Variants in EIF4G1 observed in about 807,000 individuals in gnomAD.
EIF4G1 encodes the protein EIF4-gamma.
In EIF4G1, 4 loss-of-function variants were observed where a neutral mutation model predicts 187.8. That is an observed-to-expected ratio of 0.02 (90% CI 0.01 to 0.05). The LOEUF (loss-of-function observed/expected upper bound fraction) is 0.05, where lower values mean the gene tolerates loss of function less well. EIF4G1 is among the 10% of genes least tolerant of loss of function. EIF4G1 has a pLI of 1.00. For synonymous variants in EIF4G1, 844 were observed against 781.4 expected, an observed-to-expected ratio of 1.08 and a Z score of -1.34; for missense variants, 1,647 against 2,081.1, an observed-to-expected ratio of 0.79 and a Z score of 4.06.
chr3:184,321,807 C>T lies in EIF4G1; in HGVS notation c.1223C>T (p.Pro408Leu). 3 of 1,613,968 alleles carry T rather than the reference C, an allele frequency of 1.9e-6. No individual in the cohort carries two copies. Among genetic ancestry groups the T allele is most frequent in the Non-Finnish European group, 2.5e-6 (3 of 1,179,856 alleles). The change falls in exon 10 of 33, where the codon CCC (proline) becomes CTC (leucine). Residue 408 changes from proline to leucine, a missense_variant. Physicochemically the swap from Pro to Leu is moderately conservative, Grantham distance 98. Transcript: ENST00000346169. ...AQPEELLNGA[P>L]SPPAVDLSPV... The stretch of plus-strand genomic sequence containing the variant: ...CCTGAGGAACTGCTCAACGGAGCCC[C>T]CTCGCCACCAGCTGTGGACTTAAGC...
Position 184,322,186 on chromosome 3 carries a change from A to G in EIF4G1, c.1519+83A>G, listed in dbSNP as rs997719595. On this transcript the variant is annotated intron_variant, in intron 10 of 32. Transcript: ENST00000346169. ...TCCTTGATGACCGCCCATTTTTGAC[A>G]TGTTTCTGGGTCCCTGCAATGGAAT... is the stretch of plus-strand genomic sequence containing the variant. 2.5e-5 allele frequency: 40 copies of G among 1,601,610 alleles called. No homozygotes were observed. In the African/African-American group the frequency reaches 2.9e-4, roughly 12 times the overall value.
intron 6 of EIF4G1, 45 bp downstream of exon 6, chr3:184,317,861 C>A: frequency 7.4e-7 from 1 of 1,350,816 alleles, no homozygotes. Flanking sequence ...CCCAAGGGAG[C>A]ATCTAAACTC....
At chr3:184,329,242 T>C (rs781293438) in intron 28 of EIF4G1, 2 of 527,840 alleles carry the variant, frequency 3.8e-6, no homozygotes, top group Non-Finnish European at 6.9e-6. Context: ...TATTTATTCA[T>C]TCATTGAACT....
chr3:184,319,537 C>G, intron 6 of EIF4G1, 152 bp from the exon 7 acceptor site: 1 of 646,646 alleles, frequency 1.5e-6, no homozygotes, highest in South Asian at 1.6e-5. Flanking sequence ...TGACAGACAC[C>G]TAATTCCCTG....
chr3:184,322,711 G>A lies in EIF4G1; in HGVS notation c.1776G>A (p.Gln592=). The change falls in exon 12 of 33, where the codon CAG becomes CAA. Residue 592 remains glutamine, a synonymous_variant. Coordinates refer to ENST00000346169, the MANE Select transcript of EIF4G1 (RefSeq NM_198241.3). Reference sequence around the variant, plus strand: ...CTGAGAACATCCAGCCCGGGGAACAGAAGTATGAATATAAGTCAGGTATGC... The same window carrying A: ...CTGAGAACATCCAGCCCGGGGAACAAAAGTATGAATATAAGTCAGGTATGC... ...HNAENIQPGE[Q]KYEYKSDQWK... is the part of the protein sequence containing the mutation. The A allele has an allele frequency of 6.2e-7, 1 of 1,614,230 alleles. No homozygotes were observed. Among genetic ancestry groups the A allele is most frequent in the Non-Finnish European group, 8.5e-7 (1 of 1,180,054 alleles).
chr3:184,318,165 C>A (rs920363595), intron 6 of EIF4G1, among the ~76,000 whole-genome samples: 15 of 152,060 alleles, frequency 9.9e-5, no homozygotes, highest in African/African-American at 3.4e-4. Context: ...TATTTATGTT[C>A]TAGGGAAGGA....
chr3:184,322,405 A>G lies in EIF4G1; in HGVS notation c.1563A>G (p.Leu521=), dbSNP rs2108487622. The change falls in exon 11 of 33, where the codon CTA becomes CTG. Residue 521 remains leucine, a synonymous_variant. Coordinates refer to ENST00000346169, the MANE Select transcript of EIF4G1 (RefSeq NM_198241.3). ...VPKRRRKIKE[L]NKKEAVGDLL... is the part of the protein sequence containing the mutation. ...AGAGGAGACGGAAAATTAAGGAGCTAAATAAGAAGGAGGCTGTTGGAGACC... is the reference window on the plus strand; with the variant it reads ...AGAGGAGACGGAAAATTAAGGAGCTGAATAAGAAGGAGGCTGTTGGAGACC... The G allele has an allele frequency of 1.9e-6, 3 of 1,614,182 alleles. No homozygotes were observed. The highest frequency in any genetic ancestry group is 2.2e-5 in the East Asian group (1 of 44,884).
chr3:184,333,109 A>C (rs939102653), intron 32 of EIF4G1, among the ~76,000 whole-genome samples: 1 of 152,132 alleles, frequency 6.6e-6, no homozygotes, highest in Non-Finnish European at 1.5e-5. Context: ...AGAGATACTT[A>C]GGAAATGGAG....
chr3:184,329,040 C>T (rs767961025), intron 28 of EIF4G1, 50 bp downstream of exon 28: 2 of 1,605,036 alleles, frequency 1.2e-6, no homozygotes, highest in African/African-American at 1.3e-5. Flanking sequence ...GTGGTTTTGG[C>T]TGTTTGCTGT....
intron 24 of EIF4G1, 44 bp downstream of exon 24, chr3:184,327,492 T>C (rs745947405): frequency 6.2e-6 from 10 of 1,613,024 alleles, no homozygotes; most frequent in African/African-American, 2.7e-5. Flanking sequence ...ATTGGCTGCC[T>C]TGGGACTAGC....
At chr3:184,316,799 G>A in intron 4 of EIF4G1, 1 of 1,524,712 alleles carries the variant, frequency 6.6e-7, no homozygotes, top group Non-Finnish European at 8.9e-7. Context: ...CCTAGTCAGG[G>A]GCTAGACACA....
chr3:184,317,408 C>G lies in EIF4G1; in HGVS notation c.235C>G (p.His79Asp). 1 of 1,614,132 alleles carries G rather than the reference C, an allele frequency of 6.2e-7. No individual in the cohort carries two copies. Among genetic ancestry groups the G allele is most frequent in the Non-Finnish European group, 8.5e-7 (1 of 1,180,008 alleles). The change falls in exon 5 of 33, where the codon CAT (histidine) becomes GAT (aspartate). Residue 79 changes from histidine to aspartate, a missense_variant. By Grantham distance (81) the His-to-Asp change is moderately conservative (BLOSUM62 -1). This residue lies in a region of EIF4G1 where 139 missense variants were observed against 187.3 expected (regional missense o/e 0.74). Transcript: ENST00000346169. The stretch of plus-strand genomic sequence containing the variant: ...CCCTGCCCGCCCTGGCCCAGCTGCC[C>G]ATGTCTACCCTGCTGGATCCCAAGT... ...AAPARPGPAA[H>D]VYPAGSQVMM...
chr3:184,331,177 G>C, intron 28 of EIF4G1, 89 bp from the exon 29 acceptor site: 2 of 1,392,504 alleles, frequency 1.4e-6, no homozygotes, highest in Non-Finnish European at 2.0e-6. Context: ...TAGGCTTTCA[G>C]TAAATATTTG....
intron 6 of EIF4G1, 61 bp from the exon 7 acceptor site, chr3:184,319,628 C>G: frequency 9.1e-7 from 1 of 1,104,694 alleles, no homozygotes. Context: ...GTCAGGCAGG[C>G]ATTAGTATAT....
rs200160400 is a variant in EIF4G1 at position 184,322,689 on chromosome 3, A to C, written c.1754A>C (p.Glu585Ala). 9.3e-6 allele frequency: 15 copies of C among 1,614,248 alleles called. No homozygotes were observed. The African/African-American group carries it at 2.0e-4, about 22-fold the overall frequency. ...AAGGAAGACAAAATTCACAATGCTG[A>C]GAACATCCAGCCCGGGGAACAGAAG... ...DSKEDKIHNAENIQPGEQKYE... is the reference protein window; with the variant it reads ...DSKEDKIHNAANIQPGEQKYE... Residue 585 changes from glutamate to alanine, a missense_variant, in exon 12 of 33, where the codon GAG (glutamate) becomes GCG (alanine). This residue lies in a region of EIF4G1 where 522 missense variants were observed against 485.2 expected (regional missense o/e 1.08). Coordinates refer to ENST00000346169, the MANE Select transcript of EIF4G1 (RefSeq NM_198241.3).
In EIF4G1 at chr3:184,327,817, C is replaced by G; in HGVS notation, c.3781-13C>G. Reference sequence around the variant, plus strand: ...GTGACTGGTCTCTTCCTGCTGTGCCCTGCACCCCTCAGGAGGCAGTCCAGT... The same window carrying G: ...GTGACTGGTCTCTTCCTGCTGTGCCGTGCACCCCTCAGGAGGCAGTCCAGT... On this transcript the variant is annotated splice_polypyrimidine_tract_variant and intron_variant, in intron 25 of 32. Coordinates refer to ENST00000346169, the MANE Select transcript of EIF4G1 (RefSeq NM_198241.3). 6.2e-7 allele frequency: 1 copy of G among 1,614,080 alleles called. No individual in the cohort carries two copies. Among genetic ancestry groups the G allele is most frequent in the Non-Finnish European group, 8.5e-7 (1 of 1,180,028 alleles).
At position 184,322,624 on chromosome 3, in the gene EIF4G1, G is replaced by C. The variant is rs1404169093; in HGVS notation, c.1689G>C (p.Val563=). The change falls in exon 12 of 33, where the codon GTG becomes GTC. Residue 563 remains valine, a synonymous_variant. Transcript: ENST00000346169. ...NPGPESEGSG[V]PPRPEEADET... ...GCCCAGAGTCTGAGGGCAGTGGTGT[G>C]CCCCCACGTCCTGAGGAAGCAGATG... 14 of 1,614,078 alleles carry C rather than the reference G, an allele frequency of 8.7e-6. No homozygotes were observed. Among genetic ancestry groups the C allele is most frequent in the Non-Finnish European group, 1.1e-5 (13 of 1,180,046 alleles).
chr3:184,315,273 G>C (rs1722543000), intron 1 of EIF4G1: 2 of 454,930 alleles, frequency 4.4e-6, no homozygotes, highest in Non-Finnish European at 8.8e-6. Context: ...CCTAGCTTCT[G>C]GCCCAGTGCG....
In EIF4G1 at chr3:184,317,376, G is replaced by A; in HGVS notation, c.203G>A (p.Ser68Asn). 1 of 1,614,122 alleles carries A rather than the reference G, an allele frequency of 6.2e-7. No individual in the cohort carries two copies. Among genetic ancestry groups the A allele is most frequent in the Non-Finnish European group, 8.5e-7 (1 of 1,180,034 alleles). The change falls in exon 5 of 33, where the codon AGT becomes AAT. Residue 68 changes from serine (S) to asparagine (N), a missense_variant. By Grantham distance (46) the Ser-to-Asn change is conservative. Around this residue, in one of 11 missense-constraint regions of EIF4G1, gnomAD observed 139 missense variants for 187.3 expected, o/e 0.74. Transcript: ENST00000346169. ...AGCAGTGCAGCCTCCCGAGTGCAGA[G>A]TGCAGCCCCTGCCCGCCCTGGCCCA... is the stretch of plus-strand genomic sequence containing the variant. ...PPSSAASRVQ[S>N]AAPARPGPAA...
Sources: gnomAD v4.1 joint callset for allele counts (sites outside exome capture counted in the v4.1 genomes callset) on GRCh38, gnomAD v4.1.1 for gene constraint, gnomAD v4.1.1 regional missense constraint, MANE v1.5 for transcripts, NCBI Gene and HGNC (gene_info 2026-07-23, HGNC 2026-07-21) for gene names.